The following ITGA11 variants were observed in gnomAD, a reference collection of about 807,000 sequenced individuals.
ITGA11 encodes the protein integrin alpha-11.
Under a neutral mutation model 141.9 loss-of-function variants are expected in ITGA11, and 97 were observed. The observed-to-expected ratio is 0.68, with a 90% CI of 0.58 to 0.81. ITGA11 has a LOEUF of 0.81. ITGA11 is among the 30% of genes least tolerant of loss of function. The pLI is 0.00. For missense variants in ITGA11, 1,387 were observed against 1,559.2 expected, an observed-to-expected ratio of 0.89 and a Z score of 1.86; for synonymous variants, 658 against 624.6, an observed-to-expected ratio of 1.05 and a Z score of -0.80.
intron 1 of ITGA11, among the ~76,000 whole-genome samples, chr15:68,420,809 C>A (rs141859240): frequency 4.4e-4 from 67 of 152,042 alleles, no homozygotes; most frequent in Non-Finnish European, 1.5e-4. Flanking sequence ...TACATTCCAT[C>A]GGAGCAGGCA....
intron 1 of ITGA11, among the ~76,000 whole-genome samples, chr15:68,429,308 T>TA (rs1384739671): frequency 2.0e-5 from 3 of 152,228 alleles, no homozygotes; most frequent in Admixed American, 6.5e-5. Context: ...CCTCCACCCT[T>TA]ACGCTGTGTC....
chr15:68,334,188 A>G (rs1180136054), intron 12 of ITGA11, among the ~76,000 whole-genome samples: 1 of 152,242 alleles, frequency 6.6e-6, no homozygotes, highest in East Asian at 1.9e-4. Context: ...TGCCTGGCAC[A>G]CAGAAGGTAC....
intron 3 of ITGA11, chr15:68,365,413 T>C (rs1229556459): frequency 1.2e-6 from 1 of 837,580 alleles, no homozygotes; most frequent in African/African-American, 1.8e-5. Flanking sequence ...ATCAGCCTGC[T>C]GGGAATAGGG....
At position 68,413,846 on chromosome 15, in the gene ITGA11, A is replaced by G. The variant is rs370819433; in HGVS notation, c.53-10817T>C. Among the ~76,000 whole-genome samples, 32 of 152,344 alleles carry G rather than the reference A, an allele frequency of 2.1e-4. 1 individual carries two copies. The highest frequency in any genetic ancestry group is 6.3e-4 in the African/African-American group (26 of 41,590). Reference sequence around the variant, plus strand: ...CTTAATGTTGGCCGGAGCCATGCGCATTTAGGAAGGGAAATCTCCAGGCAA... The same window carrying G: ...CTTAATGTTGGCCGGAGCCATGCGCGTTTAGGAAGGGAAATCTCCAGGCAA... On this transcript the variant is annotated intron_variant, in intron 1 of 29. Transcript: ENST00000315757.
At chr15:68,379,539 G>A (rs1477608482) in intron 2 of ITGA11, among the ~76,000 whole-genome samples, 1 of 152,210 alleles carries the variant, frequency 6.6e-6, no homozygotes, top group Non-Finnish European at 1.5e-5. Flanking sequence ...TCTTCACTTT[G>A]CTTCTTGGGG....
At chr15:68,376,050 CA>C (rs1359648420) in intron 2 of ITGA11, among the ~76,000 whole-genome samples, 2 of 152,188 alleles carry the variant, frequency 1.3e-5, no homozygotes, top group African/African-American at 4.8e-5. Context: ...TGTGTTTTCA[CA>C]AGCCCTCTAG....
chr15:68,341,368 C>T (rs1322705274), intron 10 of ITGA11, among the ~76,000 whole-genome samples: 1 of 152,186 alleles, frequency 6.6e-6, no homozygotes, highest in African/African-American at 2.4e-5. Flanking sequence ...TTGTGGAGTA[C>T]TTTCTCATCT....
chr15:68,311,435 G>T, intron 24 of ITGA11, 32 bp from the exon 25 acceptor site: 2 of 1,445,574 alleles, frequency 1.4e-6, no homozygotes, highest in Non-Finnish European at 1.9e-6. Context: ...TGTCAGTACA[G>T]TCAGTTGAGG....
chr15:68,420,731 C>T (rs1257194051), intron 1 of ITGA11, among the ~76,000 whole-genome samples: 1 of 152,174 alleles, frequency 6.6e-6, no homozygotes, highest in African/African-American at 2.4e-5. Context: ...TGTACTCTGG[C>T]CAAGCACTGT....
chr15:68,430,172 A>T (rs1235624273), intron 1 of ITGA11, among the ~76,000 whole-genome samples: 4 of 152,214 alleles, frequency 2.6e-5, no homozygotes, highest in Admixed American at 2.6e-4. Flanking sequence ...TTTTCGCCAT[A>T]TAAGCGGAGC....
At chr15:68,409,870 C>A (rs1383192517) in intron 1 of ITGA11, among the ~76,000 whole-genome samples, 1 of 152,208 alleles carries the variant, frequency 6.6e-6, no homozygotes, top group Non-Finnish European at 1.5e-5. Flanking sequence ...GACTTTGAGG[C>A]CTCACGGGTC....
intron 8 of ITGA11, 25 bp from the exon 9 acceptor site, chr15:68,350,807 C>G (rs1448251705): frequency 6.2e-7 from 1 of 1,600,232 alleles, no homozygotes; most frequent in Admixed American, 1.7e-5. Context: ...GGGCAGGAAC[C>G]ACAAACCAGA....
chr15:68,381,029 T>A (rs972352738), intron 2 of ITGA11, among the ~76,000 whole-genome samples: 1 of 152,206 alleles, frequency 6.6e-6, no homozygotes, highest in Non-Finnish European at 1.5e-5. Context: ...CCTCTTTGGA[T>A]TCAGGCACTG....
chr15:68,331,751 A>G, intron 14 of ITGA11, 108 bp downstream of exon 14: 1 of 966,176 alleles, frequency 1.0e-6, no homozygotes, highest in Non-Finnish European at 1.6e-6. Context: ...CGTTTCTGTG[A>G]GAGGGCCTGG....
At chr15:68,323,181 C>T (rs2414997) in intron 18 of ITGA11, among the ~76,000 whole-genome samples, 130,297 of 152,228 alleles carry the variant, frequency 0.86, 55,865 homozygotes, top group South Asian at 0.92. Flanking sequence ...GCAAGGTGGA[C>T]CTGCCGACTG....
intron 18 of ITGA11, among the ~76,000 whole-genome samples, chr15:68,323,186 C>T (rs967649319): frequency 2.0e-5 from 3 of 152,282 alleles, no homozygotes; most frequent in East Asian, 1.9e-4. Context: ...GTGGACCTGC[C>T]GACTGCAATG....
chr15:68,332,551 G>T (rs1405449274), intron 12 of ITGA11, 73 bp from the exon 13 acceptor site: 15 of 1,515,922 alleles, frequency 9.9e-6, no homozygotes, highest in African/African-American at 1.4e-5. Flanking sequence ...CGCCTCGCGG[G>T]CAGAGGGAAG....
chr15:68,337,469 T>C (rs918142924), intron 11 of ITGA11, among the ~76,000 whole-genome samples: 1 of 152,132 alleles, frequency 6.6e-6, no homozygotes. Flanking sequence ...AGCAGGCATC[T>C]CTGCCCCAGC....
intron 1 of ITGA11, among the ~76,000 whole-genome samples, chr15:68,425,930 A>T (rs8043127): frequency 6.6e-6 from 1 of 152,130 alleles, no homozygotes; most frequent in African/African-American, 2.4e-5. Context: ...CAACTTGCCT[A>T]ATTCACCCCA....
Sources: gnomAD v4.1 joint callset for allele counts (sites outside exome capture counted in the v4.1 genomes callset) on GRCh38, gnomAD v4.1.1 for gene constraint, MANE v1.5 for transcripts, NCBI Gene and HGNC (gene_info 2026-07-23, HGNC 2026-07-21) for gene names.